DNAH10: variants seen among roughly 807,000 people sequenced by gnomAD.
DNAH10 encodes dynein axonemal heavy chain 10, also known as axonemal beta dynein heavy chain 10.
A neutral mutation model predicts 506.6 loss-of-function variants in DNAH10; 348 were observed. The observed-to-expected ratio is 0.69, with a 90% CI of 0.63 to 0.75. The LOEUF is 0.75. Among genes scored for constraint, DNAH10 ranks in the 30% least tolerant of loss-of-function variants. The probability of loss-of-function intolerance (pLI) is 0.00; values close to 1 mark genes in which losing one functional copy is unlikely to be tolerated. For missense variants in DNAH10, 5,179 were observed against 5,787.1 expected (o/e 0.89, Z 3.41); for synonymous variants, 2,059 against 2,198.6 (o/e 0.94, Z 1.78).
At chr12:123,896,135 A>ACACACC (rs1953217116) in intron 54 of DNAH10, among the ~76,000 whole-genome samples, 2 of 113,650 alleles carry the variant, frequency 1.8e-5, no homozygotes, top group Non-Finnish European at 1.7e-5. Context: ...ACACACACAC[A>ACACACC]CACACACACA....
chr12:123,905,692 T>C (rs1953743730), intron 57 of DNAH10, among the ~76,000 whole-genome samples: 1 of 152,054 alleles, frequency 6.6e-6, no homozygotes, highest in African/African-American at 2.4e-5. Flanking sequence ...TTCTGTGAAC[T>C]TGGTTTGCGT....
At position 123,917,030 on chromosome 12, in the gene DNAH10, A is replaced by G. The variant is rs1211988959; in HGVS notation, c.11002+294A>G. Reference sequence around the variant, plus strand: ...GAAGTTACTCTATATTCGTGTATTTAAAATACATGTTGTGATGTTGAATTT... The same window carrying G: ...GAAGTTACTCTATATTCGTGTATTTGAAATACATGTTGTGATGTTGAATTT... On this transcript the variant is annotated intron_variant, in intron 63 of 78. Coordinates refer to ENST00000673944, the MANE Select transcript of DNAH10 (RefSeq NM_001372106.1). The surrounding 1 kb of genome is among the most constrained non-coding windows in gnomAD (Gnocchi z 5.6). Among the ~76,000 whole-genome samples the G allele has an allele frequency of 6.6e-6, 1 of 152,208 alleles. No individual in the cohort carries two copies. Among genetic ancestry groups the G allele is most frequent in the African/African-American group, 2.4e-5 (1 of 41,452 alleles).
At chr12:123,868,861 C>T (rs537120502) in intron 43 of DNAH10, among the ~76,000 whole-genome samples, 49 of 152,322 alleles carry the variant, frequency 3.2e-4, no homozygotes, top group African/African-American at 1.0e-3. Context: ...CTGCTTTATT[C>T]GGTGGGAGTC....
chr12:123,823,347 G>A (rs370119082), intron 24 of DNAH10, among the ~76,000 whole-genome samples: 1 of 152,166 alleles, frequency 6.6e-6, no homozygotes, highest in African/African-American at 2.4e-5. Flanking sequence ...AAGGGACTCC[G>A]GAGGCAGCCG....
intron 35 of DNAH10, among the ~76,000 whole-genome samples, chr12:123,852,483 G>A (rs1452248895): frequency 2.0e-5 from 3 of 152,192 alleles, no homozygotes; most frequent in East Asian, 1.9e-4. Flanking sequence ...TAGTTTTCAC[G>A]ACTAAAATTG....
intron 50 of DNAH10, 25 bp from the exon 51 acceptor site, chr12:123,881,600 A>G: frequency 1.4e-6 from 2 of 1,479,200 alleles, no homozygotes; most frequent in Non-Finnish European, 9.0e-7. Context: ...TGGGTTTTGA[A>G]TTCTTTTTTT....
At chr12:123,934,219 T>C in intron 77 of DNAH10, 1 of 701,706 alleles carries the variant, frequency 1.4e-6, no homozygotes, top group East Asian at 2.7e-5. Context: ...AGGCTTCGAC[T>C]TCCTGCTCCC....
chr12:123,784,289 G>A (rs1393246761), intron 8 of DNAH10, 112 bp downstream of exon 8: 1 of 1,082,406 alleles, frequency 9.2e-7, no homozygotes, highest in South Asian at 1.5e-5. Context: ...GCTCATGCCT[G>A]TAATCCCAGC....
At chr12:123,808,677 C>T in intron 18 of DNAH10, 120 bp from the exon 19 acceptor site, 1 of 1,004,478 alleles carries the variant, frequency 1.0e-6, no homozygotes, top group Non-Finnish European at 1.5e-6. Flanking sequence ...CTAGGACAGC[C>T]TCACAGTGTG....
At chr12:123,874,273 A>G (rs866342491) in intron 46 of DNAH10, among the ~76,000 whole-genome samples, 4,806 of 142,088 alleles carry the variant, frequency 0.034, 207 homozygotes, top group African/African-American at 0.12. Context: ...CCGTCCATCC[A>G]TCCATCCATC....
chr12:123,930,181 C>A lies in DNAH10; in HGVS notation c.12613-221C>A, dbSNP rs1405497247. 4 of 515,636 alleles carry A rather than the reference C, an allele frequency of 7.8e-6. No individual in the cohort carries two copies. In the East Asian group the frequency reaches 1.3e-4, roughly 16 times the overall value. 31.9% of individuals were successfully genotyped at this position (515,636 alleles called of 1,614,324 possible). The stretch of plus-strand genomic sequence containing the variant: ...AGGAGCTCCCAACACTTCCTGAGGG[C>A]TTCTTACTGCTTTGGGCCCTATCCC... On this transcript the variant is annotated intron_variant, in intron 72 of 78. Coordinates refer to ENST00000673944, the MANE Select transcript of DNAH10 (RefSeq NM_001372106.1).
chr12:123,879,439 G>T (rs117792477), intron 49 of DNAH10, 82 bp downstream of exon 49: 79,801 of 1,504,052 alleles, frequency 0.053, 2,423 homozygotes, highest in Non-Finnish European at 0.061. Flanking sequence ...ATATTAGGAC[G>T]CGAATTGTGG....
At chr12:123,908,993 CG>C (rs1423420680) in intron 57 of DNAH10, among the ~76,000 whole-genome samples, 7 of 152,288 alleles carry the variant, frequency 4.6e-5, no homozygotes, top group African/African-American at 2.4e-5. Context: ...CCAGACGCTC[CG>C]GGGACGGCCT....
chr12:123,879,893 A>T, intron 50 of DNAH10, 92 bp downstream of exon 50: 1 of 1,448,584 alleles, frequency 6.9e-7, no homozygotes. Flanking sequence ...CCGGGAGCCT[A>T]TCACCTGGGG....
rs143421929 is a variant in DNAH10, at chr12:123,804,863, G to A, written c.2810G>A (p.Arg937Gln). The change falls in exon 18 of 79, where the codon CGA (arginine) becomes CAA (glutamine). Residue 937 changes from arginine to glutamine, a missense_variant. Physicochemically the swap from Arg to Gln is conservative, Grantham distance 43 (BLOSUM62 1). Coordinates refer to ENST00000673944, the MANE Select transcript of DNAH10 (RefSeq NM_001372106.1). ...AAGGAATTTTTTGAACACATTGAGC[G>A]AGAAAGGGCCAGCGACGTGGACCAC... The part of the protein sequence containing the change: ...GVKEFFEHIE[R>Q]ERASDVDHMV... 110 of 1,612,330 alleles carry A rather than the reference G, an allele frequency of 6.8e-5. No individual in the cohort carries two copies. The highest frequency in any genetic ancestry group is 7.2e-5 in the Non-Finnish European group (85 of 1,179,620).
Position 123,845,729 on chromosome 12 carries a change from C to T in DNAH10, c.5490C>T (p.Gly1830=), listed in dbSNP as rs1950923914. ...KGEKQAMKNY[G]RKMHRQIDEL... is the part of the protein sequence containing the mutation. ...AGAAGCAGGCCATGAAGAACTATGG[C>T]AGGAAAATGCACCGGCAGATCGATG... The change falls in exon 31 of 79, where the codon GGC becomes GGT. Residue 1830 remains glycine, a synonymous_variant. Transcript: ENST00000673944. The T allele has an allele frequency of 6.2e-7, 1 of 1,613,804 alleles. No individual in the cohort carries two copies.
At chr12:123,812,180 A>G (rs986363757) in intron 19 of DNAH10, among the ~76,000 whole-genome samples, 4 of 151,904 alleles carry the variant, frequency 2.6e-5, no homozygotes, top group East Asian at 1.9e-4. Context: ...GGCCGGGCGC[A>G]GTGGCTCACG....
At position 123,919,312 on chromosome 12, in the gene DNAH10, C is replaced by T. The variant is rs758005849; in HGVS notation, c.11506+363C>T. Among the ~76,000 whole-genome samples the T allele has an allele frequency of 3.3e-5, 5 of 152,028 alleles. No homozygotes were observed. The highest frequency in any genetic ancestry group is 1.2e-4 in the African/African-American group (5 of 41,378). On this transcript the variant is annotated intron_variant, in intron 65 of 78. Coordinates refer to ENST00000673944, the MANE Select transcript of DNAH10 (RefSeq NM_001372106.1). The surrounding 1 kb of genome is among the most constrained non-coding windows in gnomAD (Gnocchi z 4.9). ...CTGGTCTCGAACTCCTGAGCTCAAA[C>T]GATCCACCCACCTTGGCCTCCTGAA... is the stretch of plus-strand genomic sequence containing the variant.
Position 123,924,419 on chromosome 12 carries a change from C to G in DNAH10, c.11753C>G (p.Thr3918Ser). ...CCTGATGATGTTGAGAATAATCAGACTGTCTGGCAGGAGGTGAGCCCACGT... is the reference window on the plus strand; with the variant it reads ...CCTGATGATGTTGAGAATAATCAGAGTGTCTGGCAGGAGGTGAGCCCACGT... Reference protein sequence around the residue: ...QLPDDVENNQTVWQEWYDLDS... With the variant: ...QLPDDVENNQSVWQEWYDLDS... The change falls in exon 67 of 79, where the codon ACT becomes AGT. Residue 3918 changes from threonine to serine, a missense_variant. Transcript: ENST00000673944. The G allele has an allele frequency of 6.2e-7, 1 of 1,613,104 alleles. No homozygotes were observed. Among genetic ancestry groups the G allele is most frequent in the Non-Finnish European group, 8.5e-7 (1 of 1,179,236 alleles).
Sources: gnomAD v4.1 joint callset for allele counts (sites outside exome capture counted in the v4.1 genomes callset) on GRCh38, gnomAD v4.1.1 for gene constraint, Gnocchi (gnomAD v3.1) non-coding constraint, MANE v1.5 for transcripts, NCBI Gene and HGNC (gene_info 2026-07-23, HGNC 2026-07-21) for gene names.